CDH17: variants seen among roughly 807,000 people sequenced by gnomAD.
CDH17 encodes cadherin-17.
A neutral mutation model predicts 86.3 loss-of-function variants in CDH17; 67 were observed. That is an observed-to-expected ratio of 0.78 (90% confidence interval 0.64 to 0.95). The LOEUF is 0.95. Among genes scored for constraint, CDH17 ranks in the 40% least tolerant of loss-of-function variants. The probability of loss-of-function intolerance (pLI) is 0.00; values close to 1 mark genes in which losing one functional copy is unlikely to be tolerated. For missense variants in CDH17, 993 were observed against 1,017.6 expected, an observed-to-expected ratio of 0.98 and a Z score of 0.33; for synonymous variants, 367 against 366.4, an observed-to-expected ratio of 1.00 and a Z score of -0.02.
At chr8:94,173,028 C>T (rs1813299281) in intron 7 of CDH17, among the ~76,000 whole-genome samples, 1 of 152,138 alleles carries the variant, frequency 6.6e-6, no homozygotes, top group African/African-American at 2.4e-5. Flanking sequence ...AATCTATTTG[C>T]AACCCCCAAA....
Position 94,175,273 on chromosome 8 carries a change from C to A in CDH17, c.425-1013G>T, listed in dbSNP as rs139378146. On this transcript the variant is annotated intron_variant, in intron 5 of 17. Coordinates refer to ENST00000027335, the MANE Select transcript of CDH17 (RefSeq NM_004063.4). ...AAAAGTTTGAGAGCCATTTCTCTAG[C>A]AGATTCTATTAGTGAAGAGAGAAAA... is the stretch of plus-strand genomic sequence containing the variant. Among the ~76,000 whole-genome samples, 152 of 152,292 alleles carry A rather than the reference C, an allele frequency of 1.0e-3. No individual in the cohort carries two copies. In the Middle Eastern group the frequency reaches 0.01, roughly 10 times the overall value.
intron 3 of CDH17, among the ~76,000 whole-genome samples, chr8:94,187,588 C>A (rs536154074): frequency 1.0e-3 from 156 of 152,086 alleles, no homozygotes; most frequent in African/African-American, 2.9e-3. Flanking sequence ...CCAGAGTGAC[C>A]TTTTCTCAAT....
intron 7 of CDH17, among the ~76,000 whole-genome samples, chr8:94,172,792 C>A (rs1055540366): frequency 6.6e-6 from 1 of 151,992 alleles, no homozygotes; most frequent in Admixed American, 6.6e-5. Flanking sequence ...AGGAGGGGGC[C>A]CAGGGTAAGA....
intron 3 of CDH17, among the ~76,000 whole-genome samples, chr8:94,179,327 T>C (rs568368140): frequency 5.3e-5 from 8 of 152,334 alleles, no homozygotes; most frequent in Non-Finnish European, 7.3e-5. Flanking sequence ...GGGGCATTTG[T>C]TGAAAACAAC....
At chr8:94,184,100 T>C (rs1006554510) in intron 3 of CDH17, among the ~76,000 whole-genome samples, 3 of 151,914 alleles carry the variant, frequency 2.0e-5, no homozygotes, top group Admixed American at 2.0e-4. Context: ...TTGGAACTCA[T>C]ACATTACTGG....
At chr8:94,176,905 G>C (rs1228788607) in intron 4 of CDH17, among the ~76,000 whole-genome samples, 1 of 152,198 alleles carries the variant, frequency 6.6e-6, no homozygotes, top group African/African-American at 2.4e-5. Context: ...TCTGGACACT[G>C]AACATGCATC....
chr8:94,212,038 T>C (rs1317594209), upstream of CDH17, among the ~76,000 whole-genome samples: 2 of 152,264 alleles, frequency 1.3e-5, no homozygotes, highest in Non-Finnish European at 2.9e-5. Context: ...GTGAAACTAA[T>C]TTTCTGCTAG....
chr8:94,158,997 T>C (rs901475279), intron 12 of CDH17, among the ~76,000 whole-genome samples: 1 of 152,180 alleles, frequency 6.6e-6, no homozygotes, highest in African/African-American at 2.4e-5. Context: ...CTTAAACAAT[T>C]AGCCACCCTT....
chr8:94,181,409 T>G (rs1468356638), intron 3 of CDH17, among the ~76,000 whole-genome samples: 1 of 152,092 alleles, frequency 6.6e-6, no homozygotes, highest in Non-Finnish European at 1.5e-5. Flanking sequence ...TGTTAGACCA[T>G]AAGCGAGTCT....
intron 1 of CDH17, among the ~76,000 whole-genome samples, chr8:94,204,861 G>A (rs1314771485): frequency 6.6e-6 from 1 of 152,192 alleles, no homozygotes; most frequent in East Asian, 1.9e-4. Context: ...TTGAATGGAA[G>A]GGGGGCCAGA....
rs1314697615 is a variant in CDH17 at position 94,128,296 on chromosome 8, C to T, written c.2443G>A (p.Gly815Ser). The change falls in exon 18 of 18, where the codon GGC becomes AGC. Residue 815 changes from glycine to serine, a missense_variant. Coordinates refer to ENST00000027335, the MANE Select transcript of CDH17 (RefSeq NM_004063.4). ...TGAGCACTTTCAACATTATCTTTGC[C>T]TTTATCCTTCTTTATGCGGATAAAC... ...VVFIRIKKDK[G>S]KDNVESAQAS... 4.3e-6 allele frequency: 7 copies of T among 1,613,394 alleles called. No individual in the cohort carries two copies. The highest frequency in any genetic ancestry group is 5.9e-6 in the Non-Finnish European group (7 of 1,179,652).
intron 1 of CDH17, among the ~76,000 whole-genome samples, chr8:94,203,954 C>T (rs553735249): frequency 6.6e-6 from 1 of 152,280 alleles, no homozygotes; most frequent in East Asian, 1.9e-4. Context: ...TCTGGATTTA[C>T]ACACATGCAA....
intron 17 of CDH17, among the ~76,000 whole-genome samples, chr8:94,128,896 C>T (rs1812354255): frequency 6.6e-6 from 1 of 152,114 alleles, no homozygotes; most frequent in Non-Finnish European, 1.5e-5. Context: ...ACTTAACCTT[C>T]TTGGTTTCTC....
At chr8:94,170,771 A>G (rs1270481255) in intron 8 of CDH17, 83 bp downstream of exon 8, 1 of 1,494,888 alleles carries the variant, frequency 6.7e-7, no homozygotes, top group South Asian at 1.3e-5. Context: ...TTTTTTCTTT[A>G]AAGTAAAATC....
chr8:94,151,220 C>T (rs1421892083), intron 13 of CDH17, among the ~76,000 whole-genome samples: 2 of 151,838 alleles, frequency 1.3e-5, no homozygotes, highest in Non-Finnish European at 2.9e-5. Flanking sequence ...CAGATATATA[C>T]AAACATATAT....
rs1812405862 is a variant in CDH17, at chr8:94,131,012, A to T, written c.2168-20T>A. 7.9e-7 allele frequency: 1 copy of T among 1,271,696 alleles called. No individual in the cohort carries two copies. Among genetic ancestry groups the T allele is most frequent in the South Asian group, 1.2e-5 (1 of 82,622 alleles). The allele number at this position is 1,271,696 out of a possible 1,614,324, so 78.8% of individuals were successfully genotyped here. ...GAGTACCTGCCAGGACAGGAAAAAA[A>T]AATGAAAATACAACTTCAGACCCTG... On this transcript the variant is annotated intron_variant, in intron 15 of 17. Coordinates refer to ENST00000027335, the MANE Select transcript of CDH17 (RefSeq NM_004063.4).
Position 94,146,149 on chromosome 8 carries a change from G to C in CDH17, c.1946C>G (p.Ser649Cys), listed in dbSNP as rs893960770. The change falls in exon 15 of 18, where the codon TCT (serine) becomes TGT (cysteine). Residue 649 changes from serine to cysteine, a missense_variant. Transcript: ENST00000027335. ...AAGGATCAGGTGGAACTCTGACACAGAGCTCAAGGAAGACCCCCCTAAGGA... is the reference window on the plus strand; with the variant it reads ...AAGGATCAGGTGGAACTCTGACACACAGCTCAAGGAAGACCCCCCTAAGGA... ...ATEVGGSSLSSVSEFHLILMD... is the reference protein window; with the variant it reads ...ATEVGGSSLSCVSEFHLILMD... 3 of 1,568,770 alleles carry C rather than the reference G, an allele frequency of 1.9e-6. No individual in the cohort carries two copies. The highest frequency in any genetic ancestry group is 3.8e-5 in the Admixed American group (2 of 52,280).
chr8:94,166,128 C>T lies in CDH17; in HGVS notation c.1067-152G>A. 6 of 620,366 alleles carry T rather than the reference C, an allele frequency of 9.7e-6. No homozygotes were observed. In the South Asian group the frequency reaches 9.9e-5, roughly 10 times the overall value. 38.4% of individuals were successfully genotyped at this position (620,366 alleles called of 1,614,324 possible). A position where few individuals can be genotyped will look rare whatever the true frequency, so the allele number is the denominator to read the frequency against. Reference sequence around the variant, plus strand: ...TTAGAGTTATTTTGGTTCTTCTCATCCTATCATGTAATGGGTTGAATAGTG... The same window carrying T: ...TTAGAGTTATTTTGGTTCTTCTCATTCTATCATGTAATGGGTTGAATAGTG... On this transcript the variant is annotated intron_variant, in intron 9 of 17. Transcript: ENST00000027335.
intron 2 of CDH17, among the ~76,000 whole-genome samples, chr8:94,191,514 C>T (rs1358078983): frequency 4.1e-5 from 6 of 148,004 alleles, no homozygotes; most frequent in African/African-American, 7.5e-5. Context: ...TGCAGTGGCA[C>T]GATCTTGGCT....
Sources: allele counts gnomAD v4.1 joint callset (sites outside exome capture counted in the v4.1 genomes callset), GRCh38; gene constraint gnomAD v4.1.1; transcripts MANE v1.5; gene names NCBI Gene and HGNC (gene_info 2026-07-23, HGNC 2026-07-21).